The following ATE1 variants were observed in gnomAD, a reference collection of about 807,000 sequenced individuals.
The protein encoded by ATE1 is arginyl-tRNA--protein transferase 1.
A neutral mutation model predicts 70.5 loss-of-function variants in ATE1; 36 were observed. The ratio of observed to expected loss-of-function variants is 0.51; its 90% confidence interval spans 0.39 to 0.67. The LOEUF is 0.67. Ranked by LOEUF, ATE1 falls within the 30% of genes least tolerant of loss-of-function variation. The probability of loss-of-function intolerance (pLI) is 0.00; values close to 1 mark genes in which losing one functional copy is unlikely to be tolerated. For missense variants in ATE1, 593 were observed against 629.5 expected, an observed-to-expected ratio of 0.94 and a Z score of 0.62; for synonymous variants, 232 against 219.3, an observed-to-expected ratio of 1.06 and a Z score of -0.51.
chr10:121,903,160 A>G (rs1399878435), intron 5 of ATE1, among the ~76,000 whole-genome samples: 3 of 140,060 alleles, frequency 2.1e-5, no homozygotes, highest in African/African-American at 2.6e-5. Flanking sequence ...AAGTGCTGGG[A>G]TTACAGGAAT....
At chr10:121,785,693 CATT>C in intron 11 of ATE1, among the ~76,000 whole-genome samples, 1 of 152,266 alleles carries the variant, frequency 6.6e-6, no homozygotes, top group African/African-American at 2.4e-5. Context: ...AGCTTCTTTA[CATT>C]AGTTTAGATT....
At chr10:121,807,800 T>G (rs933938562) in intron 10 of ATE1, among the ~76,000 whole-genome samples, 1 of 152,176 alleles carries the variant, frequency 6.6e-6, no homozygotes, top group Non-Finnish European at 1.5e-5. Context: ...GGGTTTTACA[T>G]TTTTCAATGG....
chr10:121,927,087 A>G (rs1320160362), intron 1 of ATE1: 7 of 985,298 alleles, frequency 7.1e-6, no homozygotes, highest in Admixed American at 6.1e-5. Flanking sequence ...TCTACATTCT[A>G]TATTGGCAAA....
chr10:121,866,477 C>T (rs1403626948), intron 8 of ATE1, among the ~76,000 whole-genome samples: 1 of 152,162 alleles, frequency 6.6e-6, no homozygotes, highest in Non-Finnish European at 1.5e-5. Flanking sequence ...ACTTTGGATA[C>T]TACTTTTCAC....
rs543718743 is a variant in ATE1 at position 121,815,962 on chromosome 10, C to T, written c.1257+20756G>A. 7.2e-5 allele frequency among the ~76,000 whole-genome samples: 11 copies of T among 152,230 alleles called. No homozygotes were observed. The East Asian group carries it at 1.7e-3, about 24-fold the overall frequency. ...TCCCCCACCATCCCAGTTACAACAA[C>T]CAAAATGTCTCCAGATACTGGGAAA... On this transcript the variant is annotated intron_variant, in intron 10 of 11. Transcript: ENST00000224652.
intron 10 of ATE1, among the ~76,000 whole-genome samples, chr10:121,817,863 T>C (rs1947621827): frequency 6.6e-6 from 1 of 152,182 alleles, no homozygotes; most frequent in South Asian, 2.1e-4. Context: ...GTTCCAACCC[T>C]AGGGCACTAA....
At chr10:121,754,867 T>TG (rs1944729898) in intron 11 of ATE1, among the ~76,000 whole-genome samples, 1 of 152,198 alleles carries the variant, frequency 6.6e-6, no homozygotes, top group Admixed American at 6.5e-5. Context: ...TAACACTGTA[T>TG]ACCTCCTGAT....
chr10:121,818,489 A>G (rs998782976), intron 10 of ATE1, among the ~76,000 whole-genome samples: 3 of 152,222 alleles, frequency 2.0e-5, no homozygotes, highest in Non-Finnish European at 4.4e-5. Context: ...ACGAGTTGCT[A>G]TGGCAGAGGC....
intron 10 of ATE1, among the ~76,000 whole-genome samples, chr10:121,825,718 T>A (rs1432386160): frequency 2.0e-5 from 3 of 152,196 alleles, no homozygotes; most frequent in Admixed American, 2.0e-4. Context: ...ACTGGAACAC[T>A]TGTGCATTGC....
rs1947956646 is a variant in ATE1, at chr10:121,825,149, T to C, written c.1257+11569A>G. On this transcript the variant is annotated intron_variant, in intron 10 of 11. Coordinates refer to ENST00000224652, the MANE Select transcript of ATE1 (RefSeq NM_001001976.3). ...TTAATTTAAATATTAAGTTATATAATAATTTATTAAATAATATAGTTTCCA... is the reference window on the plus strand; with the variant it reads ...TTAATTTAAATATTAAGTTATATAACAATTTATTAAATAATATAGTTTCCA... Among the ~76,000 whole-genome samples, 3 of 151,668 alleles carry C rather than the reference T, an allele frequency of 2.0e-5. No homozygotes were observed. The South Asian group carries it at 6.2e-4, about 31-fold the overall frequency.
chr10:121,835,598 T>C (rs1204875459), intron 10 of ATE1, among the ~76,000 whole-genome samples: 4 of 152,022 alleles, frequency 2.6e-5, no homozygotes, highest in Non-Finnish European at 5.9e-5. Flanking sequence ...AAAAAGATTA[T>C]GAGACAATAA....
At chr10:121,915,006 A>T (rs965842627) in intron 3 of ATE1, among the ~76,000 whole-genome samples, 8 of 152,210 alleles carry the variant, frequency 5.3e-5, no homozygotes, top group Admixed American at 5.2e-4. Flanking sequence ...AACCAAACCC[A>T]TCAGGTACAC....
intron 7 of ATE1, among the ~76,000 whole-genome samples, chr10:121,873,141 A>C (rs1323932084): frequency 2.6e-5 from 4 of 152,178 alleles, no homozygotes; most frequent in African/African-American, 9.6e-5. Flanking sequence ...TTTTAAACTT[A>C]ACAGCTAAGT....
chr10:121,903,068 GTTGGCCAGACTGGTCTCAAACTCCC>G (rs748327890), intron 5 of ATE1, among the ~76,000 whole-genome samples: 47 of 130,870 alleles, frequency 3.6e-4, no homozygotes, highest in East Asian at 1.0e-3. Flanking sequence ...GTTTCACCAT[GTTGGCCAGACTGGTCTCAAACTCCC>G]TTGGACAGAC....
Position 121,743,838 on chromosome 10 carries a change from C to T in ATE1, c.1399G>A (p.Glu467Lys), listed in dbSNP as rs767860330. ...TGAAACACCTGCAATCGGTCAGGTT[C>T]CGTACTGCGATCCTCATCCACTGCA... Reference protein sequence around the residue: ...PEAVDEDRSTEPDRLQVFHKR... With the variant: ...PEAVDEDRSTKPDRLQVFHKR... Residue 467 changes from glutamate (E) to lysine (K), a missense_variant, in exon 12 of 12, where the codon GAA becomes AAA. Physicochemically the swap from Glu to Lys is moderately conservative, Grantham distance 56. Transcript: ENST00000224652. 72 of 1,612,312 alleles carry T rather than the reference C, an allele frequency of 4.5e-5. 3 individuals carry two copies. The South Asian group carries it at 7.9e-4, about 18-fold the overall frequency.
intron 7 of ATE1, chr10:121,898,811 A>G (rs1251227544): frequency 1.2e-6 from 2 of 1,610,158 alleles, no homozygotes; most frequent in East Asian, 4.5e-5. Flanking sequence ...AGACAACCTT[A>G]TCAACACAGA....
intron 11 of ATE1, among the ~76,000 whole-genome samples, chr10:121,784,078 C>G (rs1423933444): frequency 6.6e-6 from 1 of 152,082 alleles, no homozygotes; most frequent in Non-Finnish European, 1.5e-5. Context: ...AATTTTAAAA[C>G]CTATTCTACA....
intron 11 of ATE1, among the ~76,000 whole-genome samples, chr10:121,749,688 T>C (rs1437647744): frequency 2.6e-5 from 4 of 152,164 alleles, no homozygotes; most frequent in South Asian, 2.1e-4. Flanking sequence ...TCAAGTAACA[T>C]AGAAATAAAC....
At chr10:121,893,276 C>CAA (rs771745075) in intron 7 of ATE1, among the ~76,000 whole-genome samples, 13 of 46,602 alleles carry the variant, frequency 2.8e-4, no homozygotes, top group African/African-American at 5.0e-4. Flanking sequence ...GACTTAGTCT[C>CAA]AAAAAAAAAA....
Sources: gnomAD v4.1 joint callset for allele counts (sites outside exome capture counted in the v4.1 genomes callset) on GRCh38, gnomAD v4.1.1 for gene constraint, MANE v1.5 for transcripts, NCBI Gene and HGNC (gene_info 2026-07-23, HGNC 2026-07-21) for gene names.